TNRC6B: variants seen among roughly 807,000 people sequenced by gnomAD.
TNRC6B encodes the protein trinucleotide repeat-containing gene 6B protein.
TNRC6B carries 52 observed loss-of-function variants against 203.6 expected under a neutral mutation model. That is an observed-to-expected ratio of 0.26 (90% CI 0.20 to 0.32). TNRC6B has a LOEUF of 0.32. Among genes scored for constraint, TNRC6B ranks in the 10% least tolerant of loss-of-function variants. TNRC6B has a pLI of 1.00. For missense variants in TNRC6B, 1,923 were observed against 2,286.2 expected (o/e 0.84, Z 3.24); for synonymous variants, 838 against 845.7 (o/e 0.99, Z 0.16).
At chr22:40,301,681 G>A (rs916445242) in intron 15 of TNRC6B, among the ~76,000 whole-genome samples, 7 of 152,160 alleles carry the variant, frequency 4.6e-5, no homozygotes, top group Non-Finnish European at 8.8e-5. Flanking sequence ...CTAAGGCTGG[G>A]TAATACTCCA....
intron 3 of TNRC6B, among the ~76,000 whole-genome samples, chr22:40,148,500 T>C (rs538254896): frequency 6.6e-5 from 10 of 152,212 alleles, no homozygotes; most frequent in East Asian, 3.9e-4. Context: ...GCCAGGATGA[T>C]CTCAATCTCT....
chr22:40,053,294 G>A (rs1304376730), intron 1 of TNRC6B, among the ~76,000 whole-genome samples: 1 of 152,126 alleles, frequency 6.6e-6, no homozygotes, highest in East Asian at 1.9e-4. Flanking sequence ...AGCTTCAAAA[G>A]TAGAGCTCCA....
intron 15 of TNRC6B, among the ~76,000 whole-genome samples, chr22:40,303,327 A>C (rs1409893155): frequency 6.6e-6 from 1 of 151,940 alleles, no homozygotes; most frequent in Non-Finnish European, 1.5e-5. Flanking sequence ...CACCTGGCCG[A>C]TTCTTTCTTA....
chr22:40,299,949 C>G (rs1327797438), intron 12 of TNRC6B, among the ~76,000 whole-genome samples: 1 of 152,208 alleles, frequency 6.6e-6, no homozygotes, highest in African/African-American at 2.4e-5. Flanking sequence ...CTCTTTGATG[C>G]TGGCTCTTTT....
intron 2 of TNRC6B, among the ~76,000 whole-genome samples, chr22:40,247,509 CA>C (rs2070125157): frequency 1.3e-5 from 2 of 152,308 alleles, no homozygotes; most frequent in South Asian, 4.1e-4. Context: ...AATTGGATTG[CA>C]TATGTCCCTG....
intron 3 of TNRC6B, among the ~76,000 whole-genome samples, chr22:40,138,086 C>T (rs752481609): frequency 2.0e-5 from 3 of 151,898 alleles, no homozygotes; most frequent in Non-Finnish European, 4.4e-5. Context: ...TTAGGAGTCC[C>T]CTCAGGAAGA....
chr22:40,155,014 C>G (rs1183486002), intron 3 of TNRC6B, among the ~76,000 whole-genome samples: 1 of 148,826 alleles, frequency 6.7e-6, no homozygotes, highest in Non-Finnish European at 1.5e-5. Context: ...ACTTGATTAC[C>G]TTTTTGTAAC....
At chr22:40,062,622 C>G (rs2067862902) in intron 1 of TNRC6B, among the ~76,000 whole-genome samples, 1 of 152,214 alleles carries the variant, frequency 6.6e-6, no homozygotes, top group African/African-American at 2.4e-5. Flanking sequence ...TCCAGTTTCT[C>G]CAGATCCTTT....
chr22:40,172,068 G>C (rs1394343434), intron 4 of TNRC6B, among the ~76,000 whole-genome samples: 3 of 151,616 alleles, frequency 2.0e-5, no homozygotes, highest in Non-Finnish European at 4.4e-5. Flanking sequence ...TAGTAGAGAT[G>C]GGGGTTTCAC....
chr22:40,275,027 T>TA (rs1239734995), intron 7 of TNRC6B, among the ~76,000 whole-genome samples: 2 of 152,232 alleles, frequency 1.3e-5, no homozygotes, highest in Admixed American at 1.3e-4. Flanking sequence ...GATGCCATCT[T>TA]AGAGGCCTTC....
intron 3 of TNRC6B, among the ~76,000 whole-genome samples, chr22:40,254,117 G>T (rs921162152): frequency 6.6e-6 from 1 of 152,128 alleles, no homozygotes; most frequent in Non-Finnish European, 1.5e-5. Context: ...TTCAAGTGGA[G>T]GTTATGTGAA....
chr22:40,270,494 A>G lies in TNRC6B; in HGVS notation c.2965+214A>G, dbSNP rs2070546990. ...GCCACCACGCCCGGCTAATTTTTGT[A>G]TTTTTATTAGAGATGGGGTTTCTCC... is the stretch of plus-strand genomic sequence containing the variant. On this transcript the variant is annotated intron_variant, in intron 6 of 22. Coordinates refer to ENST00000454349, the MANE Select transcript of TNRC6B (RefSeq NM_001162501.2). Among the ~76,000 whole-genome samples, 6 of 151,532 alleles carry G rather than the reference A, an allele frequency of 4.0e-5. No homozygotes were observed. The South Asian group carries it at 1.2e-3, about 32-fold the overall frequency.
At chr22:40,194,479 GA>G in intron 1 of TNRC6B, among the ~76,000 whole-genome samples, 1 of 152,332 alleles carries the variant, frequency 6.6e-6, no homozygotes, top group South Asian at 2.1e-4. Context: ...GTAGCTTCCT[GA>G]AGTTGCTGGG....
chr22:40,132,096 C>G (rs1213839607), intron 3 of TNRC6B, among the ~76,000 whole-genome samples: 3 of 152,154 alleles, frequency 2.0e-5, no homozygotes, highest in Non-Finnish European at 4.4e-5. Flanking sequence ...GCCTGTAATC[C>G]CAGCAGTTTG....
At chr22:40,125,875 C>T (rs1223889488) in intron 3 of TNRC6B, 4 of 1,610,200 alleles carry the variant, frequency 2.5e-6, no homozygotes, top group Non-Finnish European at 3.4e-6. Flanking sequence ...CAGTAAATTA[C>T]TGAAAGGTAC....
At chr22:40,309,968 G>A (rs980869164) in intron 16 of TNRC6B, among the ~76,000 whole-genome samples, 2 of 152,172 alleles carry the variant, frequency 1.3e-5, no homozygotes, top group African/African-American at 2.4e-5. Context: ...CCTAAGAATA[G>A]ATCAAGTGAC....
intron 1 of TNRC6B, among the ~76,000 whole-genome samples, chr22:40,182,793 T>A (rs2069150932): frequency 6.6e-6 from 1 of 152,254 alleles, no homozygotes; most frequent in Admixed American, 6.5e-5. Flanking sequence ...GAGACTTCAT[T>A]GAAGGTTTGA....
chr22:40,278,822 C>T (rs2070687452), intron 9 of TNRC6B, among the ~76,000 whole-genome samples: 1 of 152,230 alleles, frequency 6.6e-6, no homozygotes, highest in Non-Finnish European at 1.5e-5. Context: ...TCACTGCAAC[C>T]TCTGCCTCCC....
chr22:40,150,443 A>G (rs1414654736), intron 3 of TNRC6B, among the ~76,000 whole-genome samples: 2 of 152,216 alleles, frequency 1.3e-5, no homozygotes, highest in Non-Finnish European at 2.9e-5. Context: ...CAAAGTGAAT[A>G]GAAGAAGAGA....
Sources: allele counts gnomAD v4.1 joint callset (sites outside exome capture counted in the v4.1 genomes callset), GRCh38; gene constraint gnomAD v4.1.1; transcripts MANE v1.5; gene names NCBI Gene and HGNC (gene_info 2026-07-23, HGNC 2026-07-21).